The following FRZB variants were observed in gnomAD, a reference collection of about 807,000 sequenced individuals.
The protein encoded by FRZB is frizzled related protein.
FRZB carries 34 observed loss-of-function variants against 32.5 expected under a neutral mutation model. The observed-to-expected ratio is 1.05, with a 90% CI of 0.80 to 1.39. The LOEUF is 1.39. Ranked by LOEUF, FRZB falls within the 40% of genes most tolerant of loss-of-function variation. The pLI, the probability that FRZB is intolerant of heterozygous loss-of-function variation, is 0.00. For synonymous variants in FRZB, 170 were observed against 159.2 expected, an observed-to-expected ratio of 1.07 and a Z score of -0.51; for missense variants, 423 against 424.8, an observed-to-expected ratio of 1.00 and a Z score of 0.04.
Position 182,837,941 on chromosome 2 carries a change from G to A in FRZB, c.861+7C>T. The A allele has an allele frequency of 6.2e-7, 1 of 1,607,784 alleles. No individual in the cohort carries two copies. The highest frequency in any genetic ancestry group is 1.1e-5 in the South Asian group (1 of 90,766). Reference sequence around the variant, plus strand: ...TGTATTACTTCAAACATAAAATACAGGCTTACCTTAACTTTTTTACCGAGT... The same window carrying A: ...TGTATTACTTCAAACATAAAATACAAGCTTACCTTAACTTTTTTACCGAGT... On this transcript the variant is annotated splice_region_variant and intron_variant, in intron 5 of 5. Transcript: ENST00000295113.
At chr2:182,859,546 T>C (rs1329913998) in intron 1 of FRZB, among the ~76,000 whole-genome samples, 1 of 152,190 alleles carries the variant, frequency 6.6e-6, no homozygotes, top group South Asian at 2.1e-4. Flanking sequence ...TATATCCTTA[T>C]TGACACTCCA....
chr2:182,848,406 G>A (rs1045364824), intron 2 of FRZB, among the ~76,000 whole-genome samples: 5 of 152,136 alleles, frequency 3.3e-5, no homozygotes, highest in Non-Finnish European at 5.9e-5. Flanking sequence ...CATTCAGGAG[G>A]TCAATTCCAC....
At position 182,858,853 on chromosome 2, in the gene FRZB, A is replaced by G. The variant is rs769358147; in HGVS notation, c.479-20T>C. The G allele has an allele frequency of 1.9e-6, 3 of 1,592,592 alleles. No individual in the cohort carries two copies. In the South Asian group the frequency reaches 3.3e-5, roughly 18 times the overall value. On this transcript the variant is annotated intron_variant, in intron 1 of 5. Transcript: ENST00000295113. ...GAAAATCTGAAAGGAGGTGACAGAA[A>G]AAAGAACTATAACATATCTATTTCA...
At chr2:182,850,083 C>A (rs147437599) in intron 2 of FRZB, among the ~76,000 whole-genome samples, 31 of 152,144 alleles carry the variant, frequency 2.0e-4, no homozygotes, top group Non-Finnish European at 3.8e-4. Context: ...GTGCCTGATA[C>A]GAGTAAGTGT....
At chr2:182,857,015 A>C (rs1451250897) in intron 2 of FRZB, among the ~76,000 whole-genome samples, 1 of 152,182 alleles carries the variant, frequency 6.6e-6, no homozygotes, top group African/African-American at 2.4e-5. Context: ...TCTTTTTTCT[A>C]AGTGTACATG....
At chr2:182,840,485 C>G (rs916510201) in intron 3 of FRZB, among the ~76,000 whole-genome samples, 3 of 152,048 alleles carry the variant, frequency 2.0e-5, no homozygotes, top group Non-Finnish European at 4.4e-5. Context: ...TTGGTTAACA[C>G]TTAAGGAGTT....
intron 2 of FRZB, among the ~76,000 whole-genome samples, chr2:182,855,555 A>G (rs953401518): frequency 1.3e-5 from 2 of 152,232 alleles, no homozygotes; most frequent in Non-Finnish European, 2.9e-5. Context: ...GACCAACGAA[A>G]GAGTCAATGA....
Position 182,833,704 on chromosome 2 carries a change from T to G in FRZB, c.*1145A>C, listed in dbSNP as rs540548232. 6.6e-6 allele frequency: 1 copy of G among 152,270 alleles called. No homozygotes were observed. Among genetic ancestry groups the G allele is most frequent in the South Asian group, 2.1e-4 (1 of 4,826 alleles). 9.4% of individuals were successfully genotyped at this position (152,270 alleles called of 1,614,324 possible). On this transcript the variant is annotated 3_prime_UTR_variant, in exon 6 of 6. Transcript: ENST00000295113. ...CTCTCCTGACAACCATAATTCATTT[T>G]ACTAGACATTTTTCGCTGAGCATTA...
At position 182,834,981 on chromosome 2, in the gene FRZB, T is replaced by C; in HGVS notation, c.862-16A>G. On this transcript the variant is annotated splice_polypyrimidine_tract_variant and intron_variant, in intron 5 of 5. Transcript: ENST00000295113. ...TATCCCAGCGCTGTGAAATTTAAAA[T>C]AGAAAATAGTCACAAGCACATATCA... The C allele has an allele frequency of 6.4e-7, 1 of 1,552,382 alleles. No individual in the cohort carries two copies. The highest frequency in any genetic ancestry group is 8.9e-7 in the Non-Finnish European group (1 of 1,124,294).
chr2:182,857,290 T>C (rs980131761), intron 2 of FRZB, among the ~76,000 whole-genome samples: 1 of 152,108 alleles, frequency 6.6e-6, no homozygotes. Context: ...ACTAAAGTCA[T>C]TCTTAGATGG....
Position 182,864,205 on chromosome 2 carries a change from T to C in FRZB, c.478+1870A>G, listed in dbSNP as rs569348174. Among the ~76,000 whole-genome samples, 13 of 152,326 alleles carry C rather than the reference T, an allele frequency of 8.5e-5. No individual in the cohort carries two copies. The South Asian group carries it at 2.7e-3, about 32-fold the overall frequency. On this transcript the variant is annotated intron_variant, in intron 1 of 5. Coordinates refer to ENST00000295113, the MANE Select transcript of FRZB (RefSeq NM_001463.4). ...ACTTAATGAAACTGCTTCCTATCCA[T>C]ATTGACTATGGCTTTTTGAGAGCCA...
chr2:182,859,701 G>C (rs1327712325), intron 1 of FRZB, among the ~76,000 whole-genome samples: 2 of 152,140 alleles, frequency 1.3e-5, no homozygotes, highest in East Asian at 3.9e-4. Context: ...ATTAAACAAG[G>C]GGTTAATACT....
intron 1 of FRZB, among the ~76,000 whole-genome samples, chr2:182,860,476 T>C (rs752963553): frequency 2.0e-5 from 3 of 152,014 alleles, no homozygotes; most frequent in Non-Finnish European, 4.4e-5. Context: ...ACTAAGAAAG[T>C]AGCATTAGAG....
chr2:182,834,611 T>A lies in FRZB; in HGVS notation c.*238A>T. ...GCAAAAGAACAGTTTTTCTCATGAT[T>A]AGTGAAATAGAAAACTCACAATATA... On this transcript the variant is annotated 3_prime_UTR_variant, in exon 6 of 6. Coordinates refer to ENST00000295113, the MANE Select transcript of FRZB (RefSeq NM_001463.4). The A allele has an allele frequency of 4.2e-6, 2 of 481,750 alleles. No individual in the cohort carries two copies. Among genetic ancestry groups the A allele is most frequent in the Non-Finnish European group, 7.4e-6 (2 of 269,422 alleles). The allele number at this position is 481,750 out of a possible 1,614,324, so 29.8% of individuals were successfully genotyped here.
At chr2:182,838,319 TA>T in intron 4 of FRZB, 89 bp downstream of exon 4, 1 of 1,108,948 alleles carries the variant, frequency 9.0e-7, no homozygotes, top group South Asian at 1.4e-5. Flanking sequence ...GATCCCAATG[TA>T]AAAATGCGAG....
intron 3 of FRZB, among the ~76,000 whole-genome samples, chr2:182,838,877 T>C (rs928879602): frequency 2.1e-4 from 32 of 152,114 alleles, no homozygotes; most frequent in African/African-American, 7.0e-4. Context: ...TGTGTGCATG[T>C]GCTTTTGAGA....
Position 182,866,192 on chromosome 2 carries a change from G to T in FRZB, c.361C>A (p.Pro121Thr), listed in dbSNP as rs556981449. 6.2e-7 allele frequency: 1 copy of T among 1,614,164 alleles called. No homozygotes were observed. The change falls in exon 1 of 6, where the codon CCC becomes ACC. Residue 121 changes from proline to threonine, a missense_variant. By Grantham distance (38) the Pro-to-Thr change is conservative. Coordinates refer to ENST00000295113, the MANE Select transcript of FRZB (RefSeq NM_001463.4). This position sits in a 1 kb window ranked among gnomAD's most constrained non-coding sequence, Gnocchi z 4.5. ...VCERARQGCE[P>T]ILIKYRHSWP... ...GAGTGGCGGTACTTGATGAGTATGG[G>T]CTCACAGCCCTGCCGGGCCCGCTCG...
At chr2:182,844,179 CCA>C (rs1236133848) in intron 2 of FRZB, among the ~76,000 whole-genome samples, 1 of 152,152 alleles carries the variant, frequency 6.6e-6, no homozygotes, top group Non-Finnish European at 1.5e-5. Flanking sequence ...TTCCTCAATA[CCA>C]CACACAGCTC....
intron 1 of FRZB, among the ~76,000 whole-genome samples, chr2:182,862,136 C>A (rs1376040786): frequency 6.6e-6 from 1 of 152,198 alleles, no homozygotes; most frequent in Non-Finnish European, 1.5e-5. Context: ...CTGCCTGTTT[C>A]TCTGAGAGTG....
Sources: gnomAD v4.1 joint callset for allele counts (sites outside exome capture counted in the v4.1 genomes callset) on GRCh38, gnomAD v4.1.1 for gene constraint, Gnocchi (gnomAD v3.1) non-coding constraint, MANE v1.5 for transcripts, NCBI Gene and HGNC (gene_info 2026-07-23, HGNC 2026-07-21) for gene names.